Variants in PXDNL observed in about 807,000 individuals in gnomAD.
PXDNL encodes the protein peroxidasin like, also known as probable oxidoreductase PXDNL.
A neutral mutation model predicts 150.8 loss-of-function variants in PXDNL; 145 were observed. The observed-to-expected ratio is 0.96, with a 90% CI of 0.84 to 1.10. The LOEUF (loss-of-function observed/expected upper bound fraction) is 1.10, where lower values mean the gene tolerates loss of function less well. PXDNL is among the 50% of genes least tolerant of loss of function. The pLI, the probability that PXDNL is intolerant of heterozygous loss-of-function variation, is 0.00. For missense variants in PXDNL, 2,087 were observed against 1,873.9 expected (o/e 1.11, Z -2.10); for synonymous variants, 757 against 725.7 (o/e 1.04, Z -0.69).
In PXDNL at chr8:51,774,545, A is replaced by G. The variant is rs574993859; in HGVS notation, c.164+34636T>C. Among the ~76,000 whole-genome samples the G allele has an allele frequency of 4.6e-5, 7 of 152,306 alleles. No individual in the cohort carries two copies. The East Asian group carries it at 1.4e-3, about 29-fold the overall frequency. On this transcript the variant is annotated intron_variant, in intron 1 of 22. Coordinates refer to ENST00000356297, the MANE Select transcript of PXDNL (RefSeq NM_144651.5). ...AAAAAGGTAAATTAGGGGGCTGAGC[A>G]CAGTGGCTCATGCCTGTAATCCTAG...
At chr8:51,478,769 C>T (rs767107354) in intron 6 of PXDNL, among the ~76,000 whole-genome samples, 4 of 152,160 alleles carry the variant, frequency 2.6e-5, no homozygotes, top group Non-Finnish European at 5.9e-5. Flanking sequence ...CTCTATTGCT[C>T]TCCTGTATTC....
chr8:51,706,514 A>G (rs1206723612), intron 1 of PXDNL, among the ~76,000 whole-genome samples: 1 of 152,220 alleles, frequency 6.6e-6, no homozygotes, highest in Non-Finnish European at 1.5e-5. Context: ...TAAAGCATGA[A>G]GAGAACAACT....
intron 5 of PXDNL, among the ~76,000 whole-genome samples, chr8:51,486,750 TTATATATATATATATATA>T (rs1174441907): frequency 0.015 from 536 of 36,258 alleles, 6 homozygotes; most frequent in Middle Eastern, 0.042. Context: ...GTTAAAAAGT[TTATATATATATATATATA>T]TATATATATA....
intron 1 of PXDNL, among the ~76,000 whole-genome samples, chr8:51,715,810 A>G (rs1469847724): frequency 6.6e-6 from 1 of 152,010 alleles, no homozygotes; most frequent in Non-Finnish European, 1.5e-5. Context: ...TGCTTTGGCT[A>G]TTGGTTCTTC....
intron 14 of PXDNL, among the ~76,000 whole-genome samples, chr8:51,413,932 GTATC>G (rs1221406441): frequency 6.6e-6 from 1 of 152,054 alleles, no homozygotes; most frequent in Non-Finnish European, 1.5e-5. Context: ...AATCAGCACA[GTATC>G]TAGTTCATTT....
intron 1 of PXDNL, among the ~76,000 whole-genome samples, chr8:51,730,905 A>AC (rs1260367978): frequency 1.3e-5 from 2 of 151,898 alleles, no homozygotes; most frequent in Non-Finnish European, 2.9e-5. Flanking sequence ...AGAAAGACCC[A>AC]CCCCCATGAT....
intron 1 of PXDNL, among the ~76,000 whole-genome samples, chr8:51,766,714 A>G (rs2037235254): frequency 6.6e-6 from 1 of 151,410 alleles, no homozygotes; most frequent in East Asian, 1.9e-4. Flanking sequence ...TTTATTGAGG[A>G]TTACTTTATT....
intron 17 of PXDNL, among the ~76,000 whole-genome samples, chr8:51,406,782 C>T (rs1443677428): frequency 6.6e-6 from 1 of 152,216 alleles, no homozygotes; most frequent in Admixed American, 6.5e-5. Flanking sequence ...CAGCAGCTCC[C>T]CGGCTCCCCC....
intron 20 of PXDNL, among the ~76,000 whole-genome samples, chr8:51,342,703 G>A (rs570253143): frequency 2.6e-5 from 4 of 152,118 alleles, no homozygotes; most frequent in South Asian, 2.1e-4. Context: ...CCTGCTCTGC[G>A]CAGGCAGGAG....
intron 1 of PXDNL, among the ~76,000 whole-genome samples, chr8:51,708,813 G>A (rs368995511): frequency 3.3e-5 from 5 of 150,222 alleles, no homozygotes; most frequent in Admixed American, 1.3e-4. Context: ...TCCATAGGAC[G>A]TTAGTTCAAG....
At chr8:51,806,541 G>C (rs17196343) in intron 1 of PXDNL, among the ~76,000 whole-genome samples, 9,393 of 152,170 alleles carry the variant, frequency 0.062, 381 homozygotes, top group Non-Finnish European at 0.088. Flanking sequence ...AGCCCCAGAG[G>C]AGTAGAGGAG....
intron 1 of PXDNL, among the ~76,000 whole-genome samples, chr8:51,786,829 A>G (rs1215798518): frequency 6.6e-6 from 1 of 152,224 alleles, no homozygotes; most frequent in African/African-American, 2.4e-5. Context: ...AATGCCATCT[A>G]AGACTTTTGT....
intron 1 of PXDNL, among the ~76,000 whole-genome samples, chr8:51,793,532 T>A (rs2037532560): frequency 6.6e-6 from 1 of 152,092 alleles, no homozygotes; most frequent in Non-Finnish European, 1.5e-5. Flanking sequence ...TGGGTAATAA[T>A]GAACTTTGCT....
chr8:51,327,355 T>A (rs1360848638), intron 21 of PXDNL, among the ~76,000 whole-genome samples: 4 of 152,200 alleles, frequency 2.6e-5, no homozygotes, highest in African/African-American at 7.2e-5. Flanking sequence ...GTTATCTTCT[T>A]CAGTGATGGC....
At chr8:51,411,623 A>G (rs1162980051) in intron 15 of PXDNL, among the ~76,000 whole-genome samples, 1 of 152,220 alleles carries the variant, frequency 6.6e-6, no homozygotes, top group Non-Finnish European at 1.5e-5. Context: ...ACTCAAAAAT[A>G]TATATTTTTA....
At chr8:51,590,594 T>C (rs1813423183) in intron 3 of PXDNL, among the ~76,000 whole-genome samples, 1 of 152,228 alleles carries the variant, frequency 6.6e-6, no homozygotes, top group African/African-American at 2.4e-5. Flanking sequence ...AGGTTTAACA[T>C]TGTTTTCCCT....
At chr8:51,375,562 A>C (rs532959674) in intron 17 of PXDNL, among the ~76,000 whole-genome samples, 1 of 152,280 alleles carries the variant, frequency 6.6e-6, no homozygotes, top group Non-Finnish European at 1.5e-5. Flanking sequence ...CCTTTTTCTC[A>C]CTCAACAGTT....
At chr8:51,473,172 A>G (rs527863531) in intron 7 of PXDNL, among the ~76,000 whole-genome samples, 1 of 152,150 alleles carries the variant, frequency 6.6e-6, no homozygotes, top group East Asian at 1.9e-4. Flanking sequence ...AACGTCAGTT[A>G]TGTGCCAGAC....
chr8:51,368,750 A>G (rs1056768196), intron 19 of PXDNL, among the ~76,000 whole-genome samples: 1 of 152,072 alleles, frequency 6.6e-6, no homozygotes, highest in Non-Finnish European at 1.5e-5. Context: ...AATCACAGCA[A>G]TTTGGGAGGC....
Sources: allele counts gnomAD v4.1 joint callset (sites outside exome capture counted in the v4.1 genomes callset), GRCh38; gene constraint gnomAD v4.1.1; transcripts MANE v1.5; gene names NCBI Gene and HGNC (gene_info 2026-07-23, HGNC 2026-07-21).